ABL2: variants seen among roughly 807,000 people sequenced by gnomAD.
The protein encoded by ABL2 is ABL proto-oncogene 2, non-receptor tyrosine kinase.
ABL2 carries 49 observed loss-of-function variants against 107.7 expected under a neutral mutation model. The observed-to-expected ratio is 0.45, with a 90% confidence interval of 0.36 to 0.58. ABL2 has a LOEUF of 0.58. Among genes scored for constraint, ABL2 ranks in the 20% least tolerant of loss-of-function variants. The pLI is 0.00. For missense variants in ABL2, 1,245 were observed against 1,457.0 expected (o/e 0.85, Z 2.37); for synonymous variants, 549 against 548.6 (o/e 1.00, Z -0.01).
chr1:179,110,897 C>A, intron 10 of ABL2: 1 of 1,611,498 alleles, frequency 6.2e-7, no homozygotes, highest in Non-Finnish European at 8.5e-7. Flanking sequence ...CCCTGCCAAC[C>A]TGTCCCCAAA....
rs183558181 is a variant in ABL2 at position 179,101,226 on chromosome 1, C to T, written c.*6492G>A. The T allele has an allele frequency of 2.5e-4, 55 of 224,406 alleles. No homozygotes were observed. Among genetic ancestry groups the T allele is most frequent in the African/African-American group, 1.0e-3 (47 of 44,894 alleles). 13.9% of individuals were successfully genotyped at this position (224,406 alleles called of 1,614,324 possible). A position where few individuals can be genotyped will look rare whatever the true frequency, so the allele number is the denominator to read the frequency against. Reference sequence around the variant, plus strand: ...AAGGGTGGCCTCTCAGCAGTTTCTGCCATTCCAAGTCAGCTTTGAATCATG... The same window carrying T: ...AAGGGTGGCCTCTCAGCAGTTTCTGTCATTCCAAGTCAGCTTTGAATCATG... On this transcript the variant is annotated 3_prime_UTR_variant, in exon 12 of 12. Coordinates refer to ENST00000502732, the MANE Select transcript of ABL2 (RefSeq NM_007314.4).
At chr1:179,217,452 C>A (rs1210424951) in intron 1 of ABL2, among the ~76,000 whole-genome samples, 3 of 151,610 alleles carry the variant, frequency 2.0e-5, no homozygotes, top group African/African-American at 7.3e-5. Context: ...ATGGTGAAAC[C>A]CCATCTCTAC....
intron 1 of ABL2, among the ~76,000 whole-genome samples, chr1:179,161,636 G>A (rs113067118): frequency 2.5e-4 from 38 of 152,322 alleles, no homozygotes; most frequent in African/African-American, 8.4e-4. Context: ...GCTTCAGGCT[G>A]AGAGATCAAG....
Position 179,133,391 on chromosome 1 carries a change from T to C in ABL2, c.158-17A>G, listed in dbSNP as rs779714123. 1.4e-5 allele frequency: 23 copies of C among 1,613,978 alleles called. No individual in the cohort carries two copies. Among genetic ancestry groups the C allele is most frequent in the African/African-American group, 5.3e-5 (4 of 74,906 alleles). On this transcript the variant is annotated splice_polypyrimidine_tract_variant and intron_variant, in intron 1 of 11. Coordinates refer to ENST00000502732, the MANE Select transcript of ABL2 (RefSeq NM_007314.4). ...CAAAGTGATCTATTTAAGAAAAAAA[T>C]TGACCACGTCACTTTTCTTAAGCTT...
chr1:179,109,214 G>A lies in ABL2; in HGVS notation c.2053C>T (p.Leu685Phe). 1.9e-6 allele frequency: 3 copies of A among 1,614,160 alleles called. No homozygotes were observed. The highest frequency in any genetic ancestry group is 2.5e-6 in the Non-Finnish European group (3 of 1,180,028). Residue 685 changes from leucine (L) to phenylalanine (F), a missense_variant, in exon 12 of 12, where the codon CTC (leucine) becomes TTC (phenylalanine). Leu to Phe is a conservative substitution (Grantham distance 22). Around this residue, in one of 3 missense-constraint regions of ABL2, gnomAD observed 761 missense variants for 766.4 expected, o/e 0.99. Transcript: ENST00000502732. Reference sequence around the variant, plus strand: ...GCAACAGATGAGAAGTTACCCGTGAGTTCGTATTTCTTATGGGGCTGATTC... The same window carrying A: ...GCAACAGATGAGAAGTTACCCGTGAATTCGTATTTCTTATGGGGCTGATTC... Reference protein sequence around the residue: ...MENQPHKKYELTGNFSSVASL... With the variant: ...MENQPHKKYEFTGNFSSVASL...
In ABL2 at chr1:179,145,052, A is replaced by C. The variant is rs540983409; in HGVS notation, c.158-11678T>G. On this transcript the variant is annotated intron_variant, in intron 1 of 11. Transcript: ENST00000502732. ...TAAACAAAAGGTGGTCTATACATAT[A>C]ATGAAGTATTATTTAGCCATAAAAA... Among the ~76,000 whole-genome samples the C allele has an allele frequency of 5.0e-4, 76 of 152,342 alleles. 1 individual carries two copies. Among genetic ancestry groups the C allele is most frequent in the African/African-American group, 1.7e-3 (72 of 41,594 alleles).
intron 9 of ABL2, among the ~76,000 whole-genome samples, chr1:179,114,411 A>T (rs937704296): frequency 2.0e-5 from 3 of 151,934 alleles, no homozygotes; most frequent in Admixed American, 6.5e-5. Flanking sequence ...TGGGCAACAA[A>T]GCAAGAGTGT....
chr1:179,226,543 A>AAG (rs1439496663), intron 1 of ABL2, among the ~76,000 whole-genome samples: 3 of 151,972 alleles, frequency 2.0e-5, no homozygotes, highest in African/African-American at 7.3e-5. Context: ...TCCTGACCTC[A>AAG]TGATCTGCCC....
rs28914490 is a variant in ABL2, at chr1:179,159,644, C to A, written c.158-26270G>T. 2.5e-3 allele frequency among the ~76,000 whole-genome samples: 381 copies of A among 152,312 alleles called. 1 individual carries two copies. Among genetic ancestry groups the A allele is most frequent in the African/African-American group, 8.9e-3 (370 of 41,558 alleles). Reference sequence around the variant, plus strand: ...TGATTAATAGCCATGGGCTGCTACACTGATTTATACTTGACCAATATAGAC... The same window carrying A: ...TGATTAATAGCCATGGGCTGCTACAATGATTTATACTTGACCAATATAGAC... On this transcript the variant is annotated intron_variant, in intron 1 of 11. Coordinates refer to ENST00000502732, the MANE Select transcript of ABL2 (RefSeq NM_007314.4).
At chr1:179,129,170 C>G (rs1056046093) in intron 3 of ABL2, among the ~76,000 whole-genome samples, 3 of 151,980 alleles carry the variant, frequency 2.0e-5, no homozygotes, top group African/African-American at 7.3e-5. Context: ...TTAAGAGAAA[C>G]CACTGTTGGT....
At chr1:179,165,899 G>A (rs933444746) in intron 1 of ABL2, among the ~76,000 whole-genome samples, 51 of 151,858 alleles carry the variant, frequency 3.4e-4, no homozygotes, top group African/African-American at 1.2e-3. Context: ...AGGTTCCGGC[G>A]ATTCTCCTGT....
At chr1:179,184,210 C>T in intron 1 of ABL2, 2 of 485,614 alleles carry the variant, frequency 4.1e-6, no homozygotes, top group Non-Finnish European at 7.6e-6. Context: ...GTTGAAGTGA[C>T]AGAATTTGAA....
At chr1:179,219,593 G>A (rs1207695623) in intron 1 of ABL2, among the ~76,000 whole-genome samples, 1 of 152,102 alleles carries the variant, frequency 6.6e-6, no homozygotes, top group Non-Finnish European at 1.5e-5. Flanking sequence ...CAAGAACCAG[G>A]CACTACATAT....
At chr1:179,223,185 G>A (rs993644744) in intron 1 of ABL2, among the ~76,000 whole-genome samples, 16 of 151,484 alleles carry the variant, frequency 1.1e-4, no homozygotes, top group Admixed American at 3.3e-4. Context: ...AGGCCAAGGT[G>A]GGAGAATCAC....
chr1:179,211,897 C>T (rs1375013410), intron 1 of ABL2, among the ~76,000 whole-genome samples: 1 of 152,088 alleles, frequency 6.6e-6, no homozygotes, highest in Non-Finnish European at 1.5e-5. Flanking sequence ...CTGTAACATG[C>T]CAGGTACAAT....
intron 1 of ABL2, among the ~76,000 whole-genome samples, chr1:179,166,776 C>CAAAAAAAAAAA (rs34173352): frequency 1.3e-5 from 1 of 75,394 alleles, no homozygotes; most frequent in African/African-American, 6.8e-5. Flanking sequence ...GACTTCATCT[C>CAAAAAAAAAAA]AAAAAAAAAA....
At chr1:179,219,060 T>C (rs1247805255) in intron 1 of ABL2, among the ~76,000 whole-genome samples, 1 of 152,220 alleles carries the variant, frequency 6.6e-6, no homozygotes, top group African/African-American at 2.4e-5. Context: ...GTTTTCTTTT[T>C]GAGACAGGGT....
intron 1 of ABL2, among the ~76,000 whole-genome samples, chr1:179,197,873 A>AG (rs1438303954): frequency 6.6e-6 from 1 of 151,342 alleles, no homozygotes; most frequent in African/African-American, 2.4e-5. Context: ...GTCTCAAAAA[A>AG]AAAAAAAAAA....
At chr1:179,152,779 A>G (rs1391526355) in intron 1 of ABL2, among the ~76,000 whole-genome samples, 1 of 152,248 alleles carries the variant, frequency 6.6e-6, no homozygotes, top group East Asian at 1.9e-4. Context: ...AATAACTAAA[A>G]GTCTGCTGCA....
Sources: gnomAD v4.1 joint callset for allele counts (sites outside exome capture counted in the v4.1 genomes callset) on GRCh38, gnomAD v4.1.1 for gene constraint, gnomAD v4.1.1 regional missense constraint, MANE v1.5 for transcripts, NCBI Gene and HGNC (gene_info 2026-07-23, HGNC 2026-07-21) for gene names.